The following NAV2 variants were observed in gnomAD, a reference collection of about 807,000 sequenced individuals.
NAV2 encodes the protein neuron navigator 2.
NAV2 carries 54 observed loss-of-function variants against 223.2 expected under a neutral mutation model. The ratio of observed to expected loss-of-function variants is 0.24; its 90% CI spans 0.19 to 0.30. The LOEUF is 0.30. NAV2 is among the 10% of genes least tolerant of loss of function. The probability of loss-of-function intolerance (pLI) is 1.00; values close to 1 mark genes in which losing one functional copy is unlikely to be tolerated. For missense variants in NAV2, 2,806 were observed against 3,147.5 expected, an observed-to-expected ratio of 0.89 and a Z score of 2.60; for synonymous variants, 1,279 against 1,239.3, an observed-to-expected ratio of 1.03 and a Z score of -0.67.
At chr11:19,860,049 C>A (rs1247822530) in intron 3 of NAV2, among the ~76,000 whole-genome samples, 1 of 125,802 alleles carries the variant, frequency 7.9e-6, no homozygotes, top group African/African-American at 3.1e-5. Context: ...GGGCTGACCC[C>A]CCCCAACTCC....
At chr11:19,436,323 T>A (rs925881381) in intron 1 of NAV2, among the ~76,000 whole-genome samples, 39 of 152,320 alleles carry the variant, frequency 2.6e-4, no homozygotes, top group African/African-American at 8.2e-4. Flanking sequence ...ATTGTTTATT[T>A]AAGAGACTGT....
intron 10 of NAV2, among the ~76,000 whole-genome samples, chr11:19,979,970 C>G (rs1464481536): frequency 6.6e-6 from 1 of 152,168 alleles, no homozygotes; most frequent in Admixed American, 6.5e-5. Flanking sequence ...GGTTGAATGC[C>G]ATGATTTATG....
chr11:19,577,481 G>A (rs537374800), intron 1 of NAV2, among the ~76,000 whole-genome samples: 43 of 152,336 alleles, frequency 2.8e-4, no homozygotes, highest in African/African-American at 9.9e-4. Context: ...CCCTGACCCC[G>A]GCTCCTCCTG....
At chr11:19,466,971 TTC>T (rs140127053) in intron 1 of NAV2, among the ~76,000 whole-genome samples, 2 of 132,204 alleles carry the variant, frequency 1.5e-5, no homozygotes, top group African/African-American at 2.8e-5. Flanking sequence ...TTGTTCTCTC[TTC>T]TCTCTCTCTC....
At chr11:19,986,685 TG>T (rs1194626516) in intron 11 of NAV2, among the ~76,000 whole-genome samples, 1 of 152,188 alleles carries the variant, frequency 6.6e-6, no homozygotes, top group Non-Finnish European at 1.5e-5. Context: ...AGAACTCAGA[TG>T]GCTTTTTAAA....
chr11:19,568,889 A>G (rs1486037276), intron 1 of NAV2, among the ~76,000 whole-genome samples: 1 of 152,220 alleles, frequency 6.6e-6, no homozygotes, highest in Non-Finnish European at 1.5e-5. Context: ...CTTACATTTC[A>G]GATGTACTGC....
intron 1 of NAV2, among the ~76,000 whole-genome samples, chr11:19,530,492 C>A (rs2043997616): frequency 6.6e-6 from 1 of 152,208 alleles, no homozygotes; most frequent in African/African-American, 2.4e-5. Context: ...CCTCTTCATG[C>A]CTGAGAACAC....
At chr11:20,071,423 G>A (rs61879475) in intron 22 of NAV2, among the ~76,000 whole-genome samples, 3,393 of 152,232 alleles carry the variant, frequency 0.022, 49 homozygotes, top group Non-Finnish European at 0.036. Context: ...ATAAACATAC[G>A]TGTGCATGCG....
chr11:19,405,052 T>A (rs1452348634), intron 1 of NAV2, among the ~76,000 whole-genome samples: 1 of 152,100 alleles, frequency 6.6e-6, no homozygotes, highest in Non-Finnish European at 1.5e-5. Context: ...TTCATAAATA[T>A]TTTGTCCCTG....
At chr11:19,442,394 G>C (rs1320093423) in intron 1 of NAV2, among the ~76,000 whole-genome samples, 1 of 152,268 alleles carries the variant, frequency 6.6e-6, no homozygotes, top group Non-Finnish European at 1.5e-5. Flanking sequence ...GATAAGGCTG[G>C]CTGATACATA....
intron 1 of NAV2, among the ~76,000 whole-genome samples, chr11:19,641,389 C>T (rs1231321942): frequency 1.3e-5 from 2 of 152,054 alleles, no homozygotes; most frequent in Non-Finnish European, 2.9e-5. Context: ...GTCCAAGTGG[C>T]CATTACTTTA....
intron 1 of NAV2, among the ~76,000 whole-genome samples, chr11:19,795,707 G>T (rs2152745682): frequency 6.6e-6 from 1 of 152,318 alleles, no homozygotes; most frequent in East Asian, 1.9e-4. Context: ...GAAAGTTTTA[G>T]TCTAAACTTC....
chr11:19,952,435 G>A (rs2047474741), intron 10 of NAV2, among the ~76,000 whole-genome samples: 1 of 152,138 alleles, frequency 6.6e-6, no homozygotes, highest in Non-Finnish European at 1.5e-5. Flanking sequence ...TCCCAGTCGG[G>A]GTCTAGATGC....
intron 6 of NAV2, among the ~76,000 whole-genome samples, chr11:19,914,127 A>T (rs2043563618): frequency 6.6e-6 from 1 of 152,238 alleles, no homozygotes; most frequent in African/African-American, 2.4e-5. Flanking sequence ...GGAATTGGCA[A>T]ACACTATGAA....
chr11:19,981,043 C>G (rs754456883), intron 10 of NAV2, among the ~76,000 whole-genome samples: 1 of 152,168 alleles, frequency 6.6e-6, no homozygotes, highest in Non-Finnish European at 1.5e-5. Context: ...GCCTGCCCTC[C>G]CTCTACATGC....
At chr11:19,936,897 G>T (rs1371719791) in intron 7 of NAV2, among the ~76,000 whole-genome samples, 2 of 152,176 alleles carry the variant, frequency 1.3e-5, no homozygotes, top group African/African-American at 4.8e-5. Flanking sequence ...CAGCACTTTG[G>T]AAGGTCAAGG....
At chr11:19,482,443 G>C (rs1476718802) in intron 1 of NAV2, among the ~76,000 whole-genome samples, 2 of 152,172 alleles carry the variant, frequency 1.3e-5, no homozygotes, top group African/African-American at 4.8e-5. Flanking sequence ...GGTTATTGTT[G>C]CCTGTGGAAC....
intron 1 of NAV2, among the ~76,000 whole-genome samples, chr11:19,395,808 T>C (rs1261132766): frequency 2.0e-5 from 3 of 152,246 alleles, no homozygotes; most frequent in Admixed American, 6.5e-5. Context: ...CTTTACATGC[T>C]GAGCCCCTTT....
At chr11:19,917,840 C>T (rs1418301772) in intron 6 of NAV2, among the ~76,000 whole-genome samples, 1 of 152,252 alleles carries the variant, frequency 6.6e-6, no homozygotes, top group African/African-American at 2.4e-5. Context: ...TGGTCTCGAA[C>T]TCCTGACCTC....
Sources: allele counts gnomAD v4.1 joint callset (sites outside exome capture counted in the v4.1 genomes callset), GRCh38; gene constraint gnomAD v4.1.1; transcripts MANE v1.5; gene names NCBI Gene and HGNC (gene_info 2026-07-23, HGNC 2026-07-21).